TMEM132D: variants seen among roughly 807,000 people sequenced by gnomAD.
TMEM132D encodes the protein mature OL transmembrane protein.
In TMEM132D, 21 loss-of-function variants were observed where a neutral mutation model predicts 62.3. The observed-to-expected ratio is 0.34, with a 90% CI of 0.24 to 0.49. The LOEUF (loss-of-function observed/expected upper bound fraction) is 0.49, where lower values mean the gene tolerates loss of function less well. Among genes scored for constraint, TMEM132D ranks in the 20% least tolerant of loss-of-function variants. The pLI, the probability that TMEM132D is intolerant of heterozygous loss-of-function variation, is 0.99. For synonymous variants in TMEM132D, 621 were observed against 575.6 expected (o/e 1.08, Z -1.13); for missense variants, 1,346 against 1,402.8 (o/e 0.96, Z 0.65).
intron 3 of TMEM132D, among the ~76,000 whole-genome samples, chr12:129,518,165 T>A (rs915087814): frequency 6.9e-6 from 1 of 145,156 alleles, no homozygotes; most frequent in Non-Finnish European, 1.6e-5. Context: ...AATTTCATAG[T>A]TGAAGGAAAT....
intron 4 of TMEM132D, among the ~76,000 whole-genome samples, chr12:129,289,246 T>TC (rs1881381592): frequency 6.6e-6 from 1 of 152,132 alleles, no homozygotes; most frequent in African/African-American, 2.4e-5. Flanking sequence ...AAGGTAGAAC[T>TC]AATTTTAACT....
intron 1 of TMEM132D, among the ~76,000 whole-genome samples, chr12:129,814,598 C>T (rs1872288094): frequency 2.0e-5 from 2 of 100,044 alleles, no homozygotes; most frequent in South Asian, 3.3e-4. Flanking sequence ...GCAACAAGAG[C>T]GAAACTCCCT....
At chr12:129,586,544 C>G (rs1593076868) in intron 2 of TMEM132D, among the ~76,000 whole-genome samples, 1 of 152,150 alleles carries the variant, frequency 6.6e-6, no homozygotes, top group Non-Finnish European at 1.5e-5. Context: ...GGAGAGCCCT[C>G]TACCAGGCTG....
chr12:129,776,000 G>C (rs137959052), intron 1 of TMEM132D, among the ~76,000 whole-genome samples: 47 of 151,762 alleles, frequency 3.1e-4, no homozygotes, highest in African/African-American at 1.1e-3. Context: ...CCTCTGTCTC[G>C]GTGAAAAAAC....
At chr12:129,120,892 A>G (rs1363008009) in intron 5 of TMEM132D, among the ~76,000 whole-genome samples, 1 of 151,746 alleles carries the variant, frequency 6.6e-6, no homozygotes, top group East Asian at 1.9e-4. Context: ...GTTTCCCGGT[A>G]AAATGCTAAA....
At chr12:129,119,355 A>C (rs1487975912) in intron 5 of TMEM132D, among the ~76,000 whole-genome samples, 3 of 152,212 alleles carry the variant, frequency 2.0e-5, no homozygotes, top group Non-Finnish European at 2.9e-5. Flanking sequence ...TCATAATAGC[A>C]AAGTTACAGA....
At chr12:129,619,566 C>A (rs546440539) in intron 2 of TMEM132D, among the ~76,000 whole-genome samples, 1 of 152,230 alleles carries the variant, frequency 6.6e-6, no homozygotes, top group Non-Finnish European at 1.5e-5. Context: ...CCAGCCCCAC[C>A]ACCCATTTGA....
Position 129,127,837 on chromosome 12 carries a change from C to T in TMEM132D, c.1444-43135G>A, listed in dbSNP as rs191523464. 9.2e-5 allele frequency among the ~76,000 whole-genome samples: 14 copies of T among 152,340 alleles called. No homozygotes were observed. The East Asian group carries it at 2.7e-3, about 29-fold the overall frequency. The stretch of plus-strand genomic sequence containing the variant: ...TCCCGTCTCACACTCCCGGATTCAC[C>T]TTCTAACTGCACTGGTTACTGCCAG... On this transcript the variant is annotated intron_variant, in intron 5 of 8. Coordinates refer to ENST00000422113, the MANE Select transcript of TMEM132D (RefSeq NM_133448.3).
intron 5 of TMEM132D, among the ~76,000 whole-genome samples, chr12:129,160,688 A>G (rs1321329838): frequency 6.6e-6 from 1 of 152,352 alleles, no homozygotes; most frequent in African/African-American, 2.4e-5. Context: ...TTACAAATGA[A>G]GAGTCTTGGA....
chr12:129,104,235 C>T (rs1181976142), intron 5 of TMEM132D, among the ~76,000 whole-genome samples: 5 of 151,384 alleles, frequency 3.3e-5, no homozygotes, highest in South Asian at 4.2e-4. Context: ...AGAAATAACG[C>T]CGCATATCTA....
intron 1 of TMEM132D, among the ~76,000 whole-genome samples, chr12:129,865,704 G>A (rs1211675060): frequency 6.6e-6 from 1 of 152,208 alleles, no homozygotes; most frequent in African/African-American, 2.4e-5. Flanking sequence ...CATCGCAACT[G>A]ATGACTGCTT....
Position 129,465,922 on chromosome 12 carries a change from AT to A in TMEM132D, c.1115+65136del, listed in dbSNP as rs1391984031. Among the ~76,000 whole-genome samples the A allele has an allele frequency of 3.3e-5, 5 of 152,252 alleles. No homozygotes were observed. In the South Asian group the frequency reaches 1.0e-3, roughly 32 times the overall value. On this transcript the variant is annotated intron_variant, in intron 3 of 8. Coordinates refer to ENST00000422113, the MANE Select transcript of TMEM132D (RefSeq NM_133448.3). ...GGTGTCGAATTCCTGACCTCAAGTGATCCACCTGCCTCAGCCTCCCAAAGTG... is the reference window on the plus strand; with the variant it reads ...GGTGTCGAATTCCTGACCTCAAGTGACCACCTGCCTCAGCCTCCCAAAGTG...
At chr12:129,413,295 T>C (rs929230446) in intron 3 of TMEM132D, among the ~76,000 whole-genome samples, 4 of 152,216 alleles carry the variant, frequency 2.6e-5, no homozygotes, top group Non-Finnish European at 5.9e-5. Flanking sequence ...CTGATAGTTT[T>C]ATAAGGGGAA....
intron 3 of TMEM132D, among the ~76,000 whole-genome samples, chr12:129,374,301 C>T (rs1262998825): frequency 1.6e-5 from 1 of 61,696 alleles, no homozygotes; most frequent in Non-Finnish European, 3.4e-5. Context: ...GAGAGATTGC[C>T]CCTTCTAGTA....
intron 2 of TMEM132D, among the ~76,000 whole-genome samples, chr12:129,541,916 C>T (rs1365761654): frequency 6.6e-6 from 1 of 152,176 alleles, no homozygotes; most frequent in African/African-American, 2.4e-5. Flanking sequence ...CCATCTCATC[C>T]ACTCTTCTTA....
intron 3 of TMEM132D, chr12:129,521,888 A>G (rs28509432): frequency 0.23 from 35,139 of 151,268 alleles, 4,744 homozygotes; most frequent in Non-Finnish European, 0.29. Flanking sequence ...ATAGAAATAA[A>G]AACTTCATGC....
chr12:129,079,166 CT>C (rs1478730519), intron 7 of TMEM132D, among the ~76,000 whole-genome samples: 1 of 152,088 alleles, frequency 6.6e-6, no homozygotes, highest in Non-Finnish European at 1.5e-5. Context: ...GTTGGGTGTA[CT>C]GGTTACATAT....
intron 3 of TMEM132D, among the ~76,000 whole-genome samples, chr12:129,519,610 C>CTTTTTTTTTTTTTTTTTTT (rs35695419): frequency 6.8e-6 from 1 of 147,000 alleles, no homozygotes. Context: ...GATAAGAATG[C>CTTTTTTTTTTTTTTTTTTT]TTTTTTTTTT....
At chr12:129,367,313 G>A (rs1195140276) in intron 3 of TMEM132D, among the ~76,000 whole-genome samples, 2 of 152,180 alleles carry the variant, frequency 1.3e-5, no homozygotes, top group Non-Finnish European at 2.9e-5. Flanking sequence ...GTGGCTAGTG[G>A]CGGGCAGGAA....
Sources: gnomAD v4.1 joint callset for allele counts (sites outside exome capture counted in the v4.1 genomes callset) on GRCh38, gnomAD v4.1.1 for gene constraint, MANE v1.5 for transcripts, NCBI Gene and HGNC (gene_info 2026-07-23, HGNC 2026-07-21) for gene names.